DAAM1: variants seen among roughly 807,000 people sequenced by gnomAD.
The protein encoded by DAAM1 is disheveled-associated activator of morphogenesis 1.
In DAAM1, 52 loss-of-function variants were observed where a neutral mutation model predicts 130.0. The ratio of observed to expected loss-of-function variants is 0.40; its 90% CI spans 0.32 to 0.50. DAAM1 has a LOEUF of 0.50. Ranked by LOEUF, DAAM1 falls within the 20% of genes least tolerant of loss-of-function variation. The pLI is 0.61. For synonymous variants in DAAM1, 452 were observed against 444.5 expected, an observed-to-expected ratio of 1.02 and a Z score of -0.21; for missense variants, 1,134 against 1,303.8, an observed-to-expected ratio of 0.87 and a Z score of 2.01.
intron 16 of DAAM1, among the ~76,000 whole-genome samples, chr14:59,345,627 T>G (rs1248517642): frequency 6.6e-6 from 1 of 152,160 alleles, no homozygotes; most frequent in East Asian, 1.9e-4. Flanking sequence ...GGGTGCCTCA[T>G]CCAGCTTCAC....
At chr14:59,275,138 G>C (rs904862145) in intron 2 of DAAM1, among the ~76,000 whole-genome samples, 1 of 152,172 alleles carries the variant, frequency 6.6e-6, no homozygotes, top group East Asian at 1.9e-4. Context: ...CTTCATGGTT[G>C]GTTGCCCACA....
rs558525557 is a variant in DAAM1, at chr14:59,221,312, G to A, written c.-38+32544G>A. On this transcript the variant is annotated intron_variant, in intron 1 of 24. Transcript: ENST00000360909. ...GGAATAAGAGAGGAAGGAAAACAAG[G>A]ATATTTACTTAATATATGTTTATAT... Among the ~76,000 whole-genome samples, 25 of 152,268 alleles carry A rather than the reference G, an allele frequency of 1.6e-4. No individual in the cohort carries two copies. The South Asian group carries it at 5.2e-3, about 32-fold the overall frequency.
In DAAM1 at chr14:59,336,286, C is replaced by T. The variant is rs144122299; in HGVS notation, c.1969-3788C>T. 3.9e-4 allele frequency among the ~76,000 whole-genome samples: 59 copies of T among 152,256 alleles called. 1 individual carries two copies. Among genetic ancestry groups the T allele is most frequent in the Middle Eastern group, 3.4e-3 (1 of 294 alleles). The stretch of plus-strand genomic sequence containing the variant: ...AGCACTGCTTCCTGAAAATGCAAGT[C>T]CCAACTTCCTATTTATACTCCAAGC... On this transcript the variant is annotated intron_variant, in intron 15 of 24. Transcript: ENST00000360909.
chr14:59,359,391 T>C lies in DAAM1; in HGVS notation c.2526-6T>C, dbSNP rs1453293958. The C allele has an allele frequency of 3.8e-6, 6 of 1,594,140 alleles. No homozygotes were observed. Among genetic ancestry groups the C allele is most frequent in the Non-Finnish European group, 4.3e-6 (5 of 1,162,790 alleles). On this transcript the variant is annotated splice_region_variant and splice_polypyrimidine_tract_variant and intron_variant, in intron 20 of 24. Transcript: ENST00000360909. ...TGTTTAATACTCTTCCCTTCTTCAA[T>C]TGTAGAAACATTACCCTTTTGCACT...
intron 1 of DAAM1, among the ~76,000 whole-genome samples, chr14:59,230,179 C>T (rs533690164): frequency 2.9e-4 from 44 of 152,226 alleles, no homozygotes; most frequent in African/African-American, 9.6e-4. Context: ...AATGGGTCCC[C>T]TCAGGTGGCT....
At chr14:59,337,504 A>C (rs1314884029) in intron 15 of DAAM1, among the ~76,000 whole-genome samples, 1 of 152,252 alleles carries the variant, frequency 6.6e-6, no homozygotes, top group Non-Finnish European at 1.5e-5. Flanking sequence ...TGGTTGTGCA[A>C]GCTGTTGGCC....
intron 11 of DAAM1, 83 bp from the exon 12 acceptor site, chr14:59,326,850 C>CT: frequency 4.4e-6 from 7 of 1,576,322 alleles, no homozygotes; most frequent in Non-Finnish European, 6.1e-6. Flanking sequence ...CTGCAGTAGA[C>CT]TATTTTTGTA....
chr14:59,225,019 G>GGTTTT lies in DAAM1; in HGVS notation c.-38+36251_-38+36252insGTTTT, dbSNP rs1566656869. ...GACTGTAAGAAATAAATCTGTGTGG[G>GGTTTT]TTTTTTTTTTTTTTTTTTTTTTTTT... On this transcript the variant is annotated intron_variant, in intron 1 of 24. Transcript: ENST00000360909. 6.6e-5 allele frequency among the ~76,000 whole-genome samples: 6 copies of GGTTTT among 90,784 alleles called. 1 individual carries two copies. The highest frequency in any genetic ancestry group is 1.2e-4 in the Admixed American group (1 of 8,518). 59.6% of individuals were successfully genotyped at this position (90,784 alleles called of 152,430 possible). A position where few individuals can be genotyped will look rare whatever the true frequency, so the allele number is the denominator to read the frequency against.
At chr14:59,267,944 C>T (rs1356772924) in intron 2 of DAAM1, among the ~76,000 whole-genome samples, 1 of 148,040 alleles carries the variant, frequency 6.8e-6, no homozygotes, top group African/African-American at 2.5e-5. Context: ...ATTCTGTTAC[C>T]CAGGCTGGAG....
At chr14:59,214,672 T>C (rs1488342154) in intron 1 of DAAM1, among the ~76,000 whole-genome samples, 1 of 152,262 alleles carries the variant, frequency 6.6e-6, no homozygotes, top group Non-Finnish European at 1.5e-5. Flanking sequence ...TGTCATGGCA[T>C]GTATTGGTAC....
At chr14:59,331,981 T>G (rs1885461052) in intron 15 of DAAM1, 61 bp downstream of exon 15, 1 of 1,418,626 alleles carries the variant, frequency 7.0e-7, no homozygotes, top group Non-Finnish European at 9.9e-7. Flanking sequence ...ATGCATGATC[T>G]CTGGCCCATC....
chr14:59,297,921 G>T (rs188043438), intron 3 of DAAM1, among the ~76,000 whole-genome samples: 10 of 152,238 alleles, frequency 6.6e-5, no homozygotes, highest in African/African-American at 2.4e-4. Flanking sequence ...GATAAGGGGG[G>T]ACTACTGTGT....
intron 17 of DAAM1, among the ~76,000 whole-genome samples, chr14:59,348,294 C>T (rs1886158118): frequency 6.6e-6 from 1 of 152,194 alleles, no homozygotes; most frequent in Non-Finnish European, 1.5e-5. Flanking sequence ...ACCAAGCAGC[C>T]AGTATTTCTA....
chr14:59,284,680 AAGCATTAACAAC>A (rs11274978), intron 2 of DAAM1, among the ~76,000 whole-genome samples: 49,141 of 151,982 alleles, frequency 0.32, 9,338 homozygotes, highest in East Asian at 0.56. Flanking sequence ...ATACAATTGG[AAGCATTAACAAC>A]AGAATAGACC....
intron 10 of DAAM1, 63 bp from the exon 11 acceptor site, chr14:59,326,447 A>G: frequency 2.6e-6 from 4 of 1,516,524 alleles, no homozygotes; most frequent in Non-Finnish European, 3.5e-6. Context: ...CACCATTGAC[A>G]AATATTCATC....
At chr14:59,224,253 G>A (rs143690065) in intron 1 of DAAM1, among the ~76,000 whole-genome samples, 1 of 152,262 alleles carries the variant, frequency 6.6e-6, no homozygotes, top group Non-Finnish European at 1.5e-5. Flanking sequence ...TGGAATCACT[G>A]GTTTGTTAAG....
intron 1 of DAAM1, among the ~76,000 whole-genome samples, chr14:59,247,640 CAAAT>C (rs1387880012): frequency 2.0e-5 from 3 of 149,770 alleles, no homozygotes. Context: ...GTTTTACAAA[CAAAT>C]AATAGCTAAA....
chr14:59,257,457 G>A (rs978064747), intron 1 of DAAM1, among the ~76,000 whole-genome samples: 5 of 151,788 alleles, frequency 3.3e-5, no homozygotes, highest in Admixed American at 3.3e-4. Flanking sequence ...GGAAACTGAA[G>A]GCCTACAAAG....
intron 1 of DAAM1, among the ~76,000 whole-genome samples, chr14:59,190,178 C>A (rs1380563771): frequency 2.6e-5 from 4 of 152,094 alleles, no homozygotes; most frequent in Non-Finnish European, 5.9e-5. Flanking sequence ...TCGCCCCTTT[C>A]ACAGCCCCGG....
Sources: allele counts gnomAD v4.1 joint callset (sites outside exome capture counted in the v4.1 genomes callset), GRCh38; gene constraint gnomAD v4.1.1; transcripts MANE v1.5; gene names NCBI Gene and HGNC (gene_info 2026-07-23, HGNC 2026-07-21).